The following VPS35L variants were observed in gnomAD, a reference collection of about 807,000 sequenced individuals.
The protein encoded by VPS35L is VPS35 endosomal protein sorting factor like, also known as VPS35 endosomal protein-sorting factor-like.
In VPS35L, 83 loss-of-function variants were observed where a neutral mutation model predicts 133.0. The ratio of observed to expected loss-of-function variants is 0.62; its 90% CI spans 0.52 to 0.75. VPS35L has a LOEUF of 0.75. VPS35L is among the 30% of genes least tolerant of loss of function. The probability of loss-of-function intolerance (pLI) is 0.00; values close to 1 mark genes in which losing one functional copy is unlikely to be tolerated. For synonymous variants in VPS35L, 423 were observed against 449.9 expected, an observed-to-expected ratio of 0.94 and a Z score of 0.76; for missense variants, 1,083 against 1,206.8, an observed-to-expected ratio of 0.90 and a Z score of 1.52.
intron 20 of VPS35L, among the ~76,000 whole-genome samples, chr16:19,638,508 TA>T (rs1973690076): frequency 6.6e-6 from 1 of 152,216 alleles, no homozygotes; most frequent in South Asian, 2.1e-4. Flanking sequence ...TAAAGTTTCA[TA>T]TATAAATTAG....
At chr16:19,572,431 G>A (rs564267373) in intron 3 of VPS35L, among the ~76,000 whole-genome samples, 27 of 152,156 alleles carry the variant, frequency 1.8e-4, no homozygotes, top group African/African-American at 6.0e-4. Flanking sequence ...GCTGGCATAA[G>A]GCAATGTGTA....
In VPS35L at chr16:19,685,971, G is replaced by A. The variant is rs191406762; in HGVS notation, c.2527+3581G>A. ...GCCCATCCTTTCTCTGAACAAGGCC[G>A]CCAGCGAAGACGACTAGAGCCAGAT... On this transcript the variant is annotated intron_variant, in intron 28 of 30. Coordinates refer to ENST00000417362, the MANE Select transcript of VPS35L (RefSeq NM_020314.7). Among the ~76,000 whole-genome samples, 409 of 152,216 alleles carry A rather than the reference G, an allele frequency of 2.7e-3. 2 individuals carry two copies. Among genetic ancestry groups the A allele is most frequent in the African/African-American group, 9.3e-3 (387 of 41,524 alleles).
chr16:19,666,139 C>T (rs1183031077), intron 26 of VPS35L, among the ~76,000 whole-genome samples: 1 of 151,938 alleles, frequency 6.6e-6, no homozygotes, highest in Non-Finnish European at 1.5e-5. Flanking sequence ...TCTCGTTTCA[C>T]TTTGTTGATT....
At chr16:19,589,036 C>G (rs1427811727) in intron 7 of VPS35L, among the ~76,000 whole-genome samples, 1 of 152,150 alleles carries the variant, frequency 6.6e-6, no homozygotes, top group Non-Finnish European at 1.5e-5. Flanking sequence ...AAATGAGCAT[C>G]TTTTCACATA....
intron 26 of VPS35L, among the ~76,000 whole-genome samples, chr16:19,654,289 T>G (rs1429600044): frequency 6.6e-6 from 1 of 152,086 alleles, no homozygotes; most frequent in Non-Finnish European, 1.5e-5. Context: ...CACAATCCGA[T>G]GCTTTCTTAC....
intron 6 of VPS35L, 70 bp from the exon 7 acceptor site, chr16:19,581,455 A>G (rs1971705378): frequency 7.1e-7 from 1 of 1,415,650 alleles, no homozygotes; most frequent in South Asian, 1.7e-5. Context: ...AATACCTAGT[A>G]TTCTTTATAA....
At chr16:19,690,574 C>T (rs137967479) in intron 28 of VPS35L, among the ~76,000 whole-genome samples, 58 of 152,298 alleles carry the variant, frequency 3.8e-4, no homozygotes, top group African/African-American at 1.2e-3. Flanking sequence ...TAGCTAAGAG[C>T]GTGAGCTCTG....
At chr16:19,661,311 C>T (rs991565978) in intron 26 of VPS35L, among the ~76,000 whole-genome samples, 12 of 151,984 alleles carry the variant, frequency 7.9e-5, no homozygotes, top group Admixed American at 6.6e-4. Context: ...AATATATGAA[C>T]TCTTTGCAAG....
intron 12 of VPS35L, among the ~76,000 whole-genome samples, chr16:19,613,445 C>T (rs946346866): frequency 3.3e-5 from 5 of 152,204 alleles, no homozygotes; most frequent in African/African-American, 9.7e-5. Context: ...GCAGGCATGG[C>T]TGGATGCAGG....
At chr16:19,681,158 G>C (rs889004120) in intron 27 of VPS35L, among the ~76,000 whole-genome samples, 2 of 152,204 alleles carry the variant, frequency 1.3e-5, no homozygotes, top group African/African-American at 2.4e-5. Context: ...GTCCTACTGT[G>C]TGTGGGGGAG....
At chr16:19,626,826 G>C (rs140778636) in intron 15 of VPS35L, among the ~76,000 whole-genome samples, 1 of 152,104 alleles carries the variant, frequency 6.6e-6, no homozygotes, top group Non-Finnish European at 1.5e-5. Flanking sequence ...AGGTGGTTGG[G>C]CTAGGATGAA....
chr16:19,595,423 A>C (rs1264730934), intron 8 of VPS35L, among the ~76,000 whole-genome samples: 1 of 152,098 alleles, frequency 6.6e-6, no homozygotes, highest in Non-Finnish European at 1.5e-5. Flanking sequence ...CCATGCACAC[A>C]GCTTACCTTC....
chr16:19,579,237 T>C lies in VPS35L; in HGVS notation c.510+109T>C, dbSNP rs373655393. The stretch of plus-strand genomic sequence containing the variant: ...TTTGATTAATTCCTGGGCTGCGCAT[T>C]GTGCTTGGTCCTCTCGAGGCAATGA... On this transcript the variant is annotated intron_variant, in intron 6 of 30. Coordinates refer to ENST00000417362, the MANE Select transcript of VPS35L (RefSeq NM_020314.7). The C allele has an allele frequency of 2.4e-3, 2,488 of 1,016,566 alleles. 55 individuals are homozygous for C. The South Asian group carries it at 0.029, about 12-fold the overall frequency. The allele number at this position is 1,016,566 out of a possible 1,614,324, so 63.0% of individuals were successfully genotyped here.
intron 29 of VPS35L, among the ~76,000 whole-genome samples, chr16:19,696,438 G>A (rs1466435482): frequency 1.3e-5 from 2 of 152,190 alleles, no homozygotes; most frequent in South Asian, 2.1e-4. Context: ...CTAAGGCCAC[G>A]TGAAGGTGCC....
chr16:19,684,386 T>C (rs1362140635), intron 28 of VPS35L, among the ~76,000 whole-genome samples: 6 of 152,182 alleles, frequency 3.9e-5, no homozygotes, highest in African/African-American at 1.2e-4. Flanking sequence ...CACTTGCAAG[T>C]TGCAGTGAAC....
At chr16:19,627,889 A>G (rs1467982986) in intron 16 of VPS35L, 84 bp downstream of exon 16, 3 of 1,080,474 alleles carry the variant, frequency 2.8e-6, no homozygotes, top group Non-Finnish European at 4.3e-6. Flanking sequence ...GGTTTTGGGA[A>G]CAGCATGGGC....
intron 12 of VPS35L, among the ~76,000 whole-genome samples, chr16:19,614,995 A>G (rs905515370): frequency 2.0e-5 from 3 of 152,218 alleles, no homozygotes; most frequent in Non-Finnish European, 4.4e-5. Flanking sequence ...CATAAAATGT[A>G]TTAAAATTTA....
At chr16:19,678,592 C>G (rs1320979076) in intron 27 of VPS35L, among the ~76,000 whole-genome samples, 1 of 151,898 alleles carries the variant, frequency 6.6e-6, no homozygotes, top group East Asian at 1.9e-4. Context: ...GTTCTCCTGC[C>G]TCAGCCTCCC....
chr16:19,691,266 C>T (rs577534291), intron 28 of VPS35L, 87 bp from the exon 29 acceptor site: 4 of 1,042,302 alleles, frequency 3.8e-6, no homozygotes, highest in Admixed American at 1.8e-5. Flanking sequence ...TCTGCTGACT[C>T]GGTGTGACAT....
Sources: gnomAD v4.1 joint callset for allele counts (sites outside exome capture counted in the v4.1 genomes callset) on GRCh38, gnomAD v4.1.1 for gene constraint, MANE v1.5 for transcripts, NCBI Gene and HGNC (gene_info 2026-07-23, HGNC 2026-07-21) for gene names.